The following SIDT1 variants were observed in gnomAD, a reference collection of about 807,000 sequenced individuals.
The protein encoded by SIDT1 is SID1 transmembrane family member 1.
A neutral mutation model predicts 107.5 loss-of-function variants in SIDT1; 101 were observed. That is an observed-to-expected ratio of 0.94 (90% CI 0.80 to 1.11). The LOEUF (loss-of-function observed/expected upper bound fraction) is 1.11, where lower values mean the gene tolerates loss of function less well. Ranked by LOEUF, SIDT1 falls within the 50% of genes least tolerant of loss-of-function variation. SIDT1 has a pLI of 0.00. For synonymous variants in SIDT1, 395 were observed against 398.2 expected (o/e 0.99, Z 0.10); for missense variants, 1,076 against 1,058.2 (o/e 1.02, Z -0.23).
In SIDT1 at chr3:113,616,880, G is replaced by A. The variant is rs150617936; in HGVS notation, c.2043+704G>A. ...ATTTTGTATTTTTAGTAGAGACGGG[G>A]CTTCTCCATGTTGGTCAGGCTGGTC... On this transcript the variant is annotated intron_variant, in intron 20 of 24. Coordinates refer to ENST00000264852, the MANE Select transcript of SIDT1 (RefSeq NM_017699.3). 5.4e-3 allele frequency among the ~76,000 whole-genome samples: 817 copies of A among 152,118 alleles called. 13 individuals carry two copies. The highest frequency in any genetic ancestry group is 0.032 in the Admixed American group (490 of 15,280).
At chr3:113,580,562 C>A in intron 4 of SIDT1, 46 bp from the exon 5 acceptor site, 2 of 1,198,952 alleles carry the variant, frequency 1.7e-6, no homozygotes, top group Non-Finnish European at 1.2e-6. Flanking sequence ...GGAAACAATC[C>A]CATTCATGTA....
In SIDT1 at chr3:113,602,951, G is replaced by A; in HGVS notation, c.1118-54G>A. The A allele has an allele frequency of 2.5e-6, 4 of 1,587,824 alleles. No individual in the cohort carries two copies. In the South Asian group the frequency reaches 3.4e-5, roughly 14 times the overall value. On this transcript the variant is annotated intron_variant, in intron 11 of 24. Transcript: ENST00000264852. ...ACTGTGCTTTTTGCAGAGACGAATG[G>A]GCTCCGTAGGCTCTCCACGGCTTTT...
chr3:113,572,014 G>T (rs1489273238), intron 3 of SIDT1, among the ~76,000 whole-genome samples: 1 of 152,162 alleles, frequency 6.6e-6, no homozygotes, highest in Non-Finnish European at 1.5e-5. Flanking sequence ...GACAAAACAG[G>T]ATGCAGAGAA....
At chr3:113,545,407 G>C (rs1183902653) in intron 1 of SIDT1, among the ~76,000 whole-genome samples, 3 of 151,724 alleles carry the variant, frequency 2.0e-5, no homozygotes, top group Non-Finnish European at 4.4e-5. Flanking sequence ...ATTCTTATTT[G>C]ATCCAATTAT....
chr3:113,578,714 G>A (rs1200464021), intron 4 of SIDT1, among the ~76,000 whole-genome samples: 1 of 152,080 alleles, frequency 6.6e-6, no homozygotes, highest in Admixed American at 6.6e-5. Context: ...AATTAGCCGG[G>A]TATGGTAGCT....
In SIDT1 at chr3:113,556,569, T is replaced by C. The variant is rs1576750643; in HGVS notation, c.223-9851T>C. ...AGTAGATTGAAGCACAATGAGAATT[T>C]AAAGAGTGTATTTGACCAAACAGAG... On this transcript the variant is annotated intron_variant, in intron 1 of 24. Transcript: ENST00000264852. Among the ~76,000 whole-genome samples the C allele has an allele frequency of 3.9e-5, 6 of 152,280 alleles. 1 individual carries two copies. The highest frequency in any genetic ancestry group is 3.9e-4 in the Admixed American group (6 of 15,310).
At chr3:113,539,650 T>C (rs1938581506) in intron 1 of SIDT1, among the ~76,000 whole-genome samples, 1 of 152,218 alleles carries the variant, frequency 6.6e-6, no homozygotes, top group African/African-American at 2.4e-5. Context: ...CACATCTTCT[T>C]TCATTCATGC....
At chr3:113,569,982 T>C (rs2107400732) in intron 3 of SIDT1, among the ~76,000 whole-genome samples, 1 of 152,346 alleles carries the variant, frequency 6.6e-6, no homozygotes, top group African/African-American at 2.4e-5. Flanking sequence ...CTTGGTTCAC[T>C]GCAACCTCCA....
At chr3:113,619,557 A>G in intron 20 of SIDT1, 123 bp from the exon 21 acceptor site, 1 of 830,114 alleles carries the variant, frequency 1.2e-6, no homozygotes, top group Non-Finnish European at 2.0e-6. Flanking sequence ...GCACTCTTAG[A>G]ACCACAGAAA....
intron 3 of SIDT1, among the ~76,000 whole-genome samples, chr3:113,568,959 C>T (rs1185367076): frequency 6.6e-6 from 1 of 151,588 alleles, no homozygotes; most frequent in Non-Finnish European, 1.5e-5. Flanking sequence ...CATGGTGAAA[C>T]CCCTCTGTGC....
At chr3:113,619,782 G>C in intron 21 of SIDT1, 56 bp downstream of exon 21, 1 of 1,483,794 alleles carries the variant, frequency 6.7e-7, no homozygotes. Flanking sequence ...TAACACTGTG[G>C]TTTAGCTTTC....
At chr3:113,568,586 T>C (rs1289864952) in intron 3 of SIDT1, among the ~76,000 whole-genome samples, 3 of 122,972 alleles carry the variant, frequency 2.4e-5, no homozygotes, top group African/African-American at 8.8e-5. Context: ...ACAGCAAGAC[T>C]CTGTCTCAAA....
chr3:113,533,176 A>G lies in SIDT1; in HGVS notation c.155A>G (p.Tyr52Cys). The part of the protein sequence containing the change: ...AARGADFDHV[Y>C]SGVVNLSTEN... ...AGGGGCGCCGATTTCGATCATGTCT[A>G]CAGCGGGGTGGTGAACCTCAGCACC... Residue 52 changes from tyrosine (Y) to cysteine (C), a missense_variant, in exon 1 of 25, where the codon TAC becomes TGC. Physicochemically the swap from Tyr to Cys is radical, Grantham distance 194 (BLOSUM62 -2). Coordinates refer to ENST00000264852, the MANE Select transcript of SIDT1 (RefSeq NM_017699.3). The G allele has an allele frequency of 6.3e-7, 1 of 1,578,968 alleles. No homozygotes were observed. The highest frequency in any genetic ancestry group is 8.6e-7 in the Non-Finnish European group (1 of 1,163,686).
intron 10 of SIDT1, among the ~76,000 whole-genome samples, chr3:113,595,120 C>T (rs139454175): frequency 3.8e-4 from 58 of 152,360 alleles, no homozygotes; most frequent in African/African-American, 1.3e-3. Flanking sequence ...ATTAGGTCCT[C>T]TTCTCTAAGA....
At position 113,565,909 on chromosome 3, in the gene SIDT1, T is replaced by A. The variant is rs138623214; in HGVS notation, c.223-511T>A. The stretch of plus-strand genomic sequence containing the variant: ...TTCAGCAATTGAAGTTCTCATGGGA[T>A]TTGTTTTTGAGGGAGGGTGGCTTTG... On this transcript the variant is annotated intron_variant, in intron 1 of 24. Transcript: ENST00000264852. Among the ~76,000 whole-genome samples, 319 of 152,344 alleles carry A rather than the reference T, an allele frequency of 2.1e-3. 2 individuals are homozygous for A. Among genetic ancestry groups the A allele is most frequent in the African/African-American group, 7.4e-3 (309 of 41,580 alleles).
At chr3:113,613,548 T>C (rs1202261655) in intron 19 of SIDT1, among the ~76,000 whole-genome samples, 1 of 152,246 alleles carries the variant, frequency 6.6e-6, no homozygotes, top group Non-Finnish European at 1.5e-5. Flanking sequence ...GATTTACCTT[T>C]GGCATGAACA....
intron 14 of SIDT1, chr3:113,606,420 A>G (rs527945460): frequency 6.6e-6 from 1 of 152,392 alleles, no homozygotes; most frequent in Non-Finnish European, 1.5e-5. Context: ...TTGTGTGTTA[A>G]TGATCTAATA....
downstream of SIDT1, among the ~76,000 whole-genome samples, chr3:113,631,848 G>A (rs780680453): frequency 3.3e-5 from 5 of 152,216 alleles, no homozygotes; most frequent in Non-Finnish European, 5.9e-5. Context: ...GATGGATACC[G>A]TTGTTCACGA....
chr3:113,584,656 G>C, intron 7 of SIDT1, 42 bp from the exon 8 acceptor site: 1 of 1,390,832 alleles, frequency 7.2e-7, no homozygotes, highest in Non-Finnish European at 1.0e-6. Flanking sequence ...ATCATTATCT[G>C]ATTCAATGTG....
Sources: allele counts gnomAD v4.1 joint callset (sites outside exome capture counted in the v4.1 genomes callset), GRCh38; gene constraint gnomAD v4.1.1; transcripts MANE v1.5; gene names NCBI Gene and HGNC (gene_info 2026-07-23, HGNC 2026-07-21).